Variants in CD200R1L observed in about 807,000 individuals in gnomAD.
The protein encoded by CD200R1L is CD200 receptor 1 like.
In CD200R1L, 14 loss-of-function variants were observed where a neutral mutation model predicts 24.8. That is an observed-to-expected ratio of 0.56 (90% confidence interval 0.37 to 0.88). The LOEUF (loss-of-function observed/expected upper bound fraction) is 0.88. Ranked by LOEUF, CD200R1L falls within the 40% of genes least tolerant of loss-of-function variation. The pLI is 0.00. For missense variants in CD200R1L, 299 were observed against 297.8 expected, an observed-to-expected ratio of 1.00 and a Z score of -0.03; for synonymous variants, 111 against 109.2, an observed-to-expected ratio of 1.02 and a Z score of -0.11.
rs550098828 is a variant in CD200R1L at position 112,829,397 on chromosome 3, T to C, written c.-17-13A>G. The C allele has an allele frequency of 2.8e-5, 45 of 1,610,790 alleles. No individual in the cohort carries two copies. The highest frequency in any genetic ancestry group is 3.7e-5 in the Non-Finnish European group (43 of 1,177,018). ...GAACTACTTGAAGCTAGAAAACATTTAGAGAAGAATAAGCGAAATCAATTT... is the reference window on the plus strand; with the variant it reads ...GAACTACTTGAAGCTAGAAAACATTCAGAGAAGAATAAGCGAAATCAATTT... On this transcript the variant is annotated splice_polypyrimidine_tract_variant and intron_variant, in intron 3 of 7. Transcript: ENST00000488794.
chr3:112,818,188 T>TA (rs1043765664), intron 7 of CD200R1L, among the ~76,000 whole-genome samples: 4 of 152,138 alleles, frequency 2.6e-5, no homozygotes, highest in African/African-American at 9.7e-5. Context: ...TTCTTTTAAA[T>TA]AAAAAATCAC....
chr3:112,840,224 A>C (rs1420872449), intron 2 of CD200R1L, among the ~76,000 whole-genome samples: 1 of 152,206 alleles, frequency 6.6e-6, no homozygotes, highest in Admixed American at 6.5e-5. Context: ...GCTATCAAGA[A>C]ATACCTGAGA....
At chr3:112,823,839 G>T (rs66635385) in intron 6 of CD200R1L, among the ~76,000 whole-genome samples, 17 of 151,966 alleles carry the variant, frequency 1.1e-4, no homozygotes, top group South Asian at 4.1e-4. Context: ...AGGGAACAGA[G>T]GAATACAAGC....
At chr3:112,816,376 T>A (rs941809418) in intron 7 of CD200R1L, among the ~76,000 whole-genome samples, 13 of 152,214 alleles carry the variant, frequency 8.5e-5, no homozygotes, top group African/African-American at 3.1e-4. Context: ...GCCAGGCATG[T>A]TCTCATGGAG....
chr3:112,840,414 T>A (rs1460759183), intron 2 of CD200R1L, among the ~76,000 whole-genome samples: 2 of 152,098 alleles, frequency 1.3e-5, no homozygotes, highest in African/African-American at 2.4e-5. Flanking sequence ...GGGTGGGAGA[T>A]GCTACACACT....
chr3:112,839,669 G>C (rs897595685), intron 2 of CD200R1L, among the ~76,000 whole-genome samples: 1 of 152,164 alleles, frequency 6.6e-6, no homozygotes, highest in Non-Finnish European at 1.5e-5. Context: ...CTGGAGTGAG[G>C]TTCTTGATTG....
rs776315640 is a variant in CD200R1L at position 112,827,065 on chromosome 3, G to T, written c.544C>A (p.His182Asn). The change falls in exon 6 of 8, where the codon CAC becomes AAC. Residue 182 changes from histidine to asparagine, a missense_variant. By Grantham distance (68) the His-to-Asn change is moderately conservative. Transcript: ENST00000488794. ...ACATGGCAGGTCACAGTAGACTTGT[G>T]GCCCTCCCAGGGGCATGTACTCTTA... The part of the protein sequence containing the change: ...TVKSTCPWEG[H>N]KSTVTCHVSH... 3.2e-6 allele frequency: 5 copies of T among 1,548,614 alleles called. No individual in the cohort carries two copies. The African/African-American group carries it at 6.1e-5, about 19-fold the overall frequency.
At chr3:112,816,985 G>C (rs546386621) in intron 7 of CD200R1L, among the ~76,000 whole-genome samples, 9 of 152,208 alleles carry the variant, frequency 5.9e-5, no homozygotes, top group African/African-American at 1.7e-4. Context: ...GTGGAACTGT[G>C]AGTCAATTAA....
intron 6 of CD200R1L, among the ~76,000 whole-genome samples, chr3:112,821,647 T>C (rs1274884601): frequency 3.9e-5 from 1 of 25,610 alleles, no homozygotes; most frequent in African/African-American, 7.8e-5. Flanking sequence ...TGAGATTCTG[T>C]GGTGTTTTTT....
At chr3:112,816,768 T>A (rs1386197163) in intron 7 of CD200R1L, among the ~76,000 whole-genome samples, 1 of 152,194 alleles carries the variant, frequency 6.6e-6, no homozygotes, top group Non-Finnish European at 1.5e-5. Context: ...GTAGCTCCCA[T>A]ATGGGAGGGA....
chr3:112,839,156 G>A (rs113803221), intron 2 of CD200R1L, among the ~76,000 whole-genome samples: 57 of 151,972 alleles, frequency 3.8e-4, no homozygotes, highest in African/African-American at 1.3e-3. Context: ...ATACAGATTT[G>A]GTACCATAAG....
intron 3 of CD200R1L, among the ~76,000 whole-genome samples, chr3:112,834,646 G>A (rs1938889099): frequency 6.6e-6 from 1 of 152,196 alleles, no homozygotes; most frequent in African/African-American, 2.4e-5. Flanking sequence ...ATTTTGCTGT[G>A]ATCCACTGGG....
chr3:112,817,696 G>A (rs1023405778), intron 7 of CD200R1L, among the ~76,000 whole-genome samples: 8 of 152,232 alleles, frequency 5.3e-5, no homozygotes, highest in Non-Finnish European at 1.0e-4. Flanking sequence ...TGTAGGGCCT[G>A]TTTGTTTCAG....
chr3:112,835,713 A>G (rs1486068264), intron 3 of CD200R1L, among the ~76,000 whole-genome samples: 1 of 152,198 alleles, frequency 6.6e-6, no homozygotes, highest in Non-Finnish European at 1.5e-5. Context: ...GCAGGCCAAC[A>G]TCAAGCTGCC....
chr3:112,821,592 C>A (rs958182534), intron 6 of CD200R1L, among the ~76,000 whole-genome samples: 2 of 152,134 alleles, frequency 1.3e-5, no homozygotes, highest in Non-Finnish European at 2.9e-5. Flanking sequence ...ATATTGAAGC[C>A]CTCAAAGTCA....
chr3:112,840,219 C>G (rs756686477), intron 2 of CD200R1L, among the ~76,000 whole-genome samples: 5 of 152,136 alleles, frequency 3.3e-5, no homozygotes, highest in Non-Finnish European at 7.3e-5. Context: ...GCACTGCTAT[C>G]AAGAAATACC....
At chr3:112,845,408 A>G (rs897646072) in intron 2 of CD200R1L, among the ~76,000 whole-genome samples, 2 of 152,202 alleles carry the variant, frequency 1.3e-5, no homozygotes, top group Non-Finnish European at 2.9e-5. Flanking sequence ...AAATCTACCA[A>G]CAAAAGCAGC....
intron 2 of CD200R1L, 145 bp from the exon 3 acceptor site, chr3:112,838,155 A>C (rs550582954): frequency 3.4e-6 from 1 of 297,174 alleles, no homozygotes; most frequent in African/African-American, 2.6e-5. Flanking sequence ...CACCAAAAAA[A>C]CCTCTACATA....
At position 112,827,078 on chromosome 3, in the gene CD200R1L, G is replaced by T. The variant is rs1312937974; in HGVS notation, c.531C>A (p.Cys177Ter). The change falls in exon 6 of 8, where the codon TGC becomes TGA. Residue 177 changes from cysteine to a stop codon, truncating the protein, a stop_gained. Coordinates refer to ENST00000488794, the MANE Select transcript of CD200R1L (RefSeq NM_001199215.3). LOFTEE classifies it high-confidence loss of function. ...CAGTAGACTTGTGGCCCTCCCAGGG[G>T]CATGTACTCTTAACCGTCACTGTGC... ...GNGTVTVKST[C>*]PWEGHKSTVT... 1 of 1,613,328 alleles carries T rather than the reference G, an allele frequency of 6.2e-7. No individual in the cohort carries two copies. The highest frequency in any genetic ancestry group is 1.1e-5 in the South Asian group (1 of 91,036).
Sources: gnomAD v4.1 joint callset for allele counts (sites outside exome capture counted in the v4.1 genomes callset) on GRCh38, gnomAD v4.1.1 for gene constraint, MANE v1.5 for transcripts, NCBI Gene and HGNC (gene_info 2026-07-23, HGNC 2026-07-21) for gene names.